ARMC9: variants seen among roughly 807,000 people sequenced by gnomAD.
ARMC9 encodes the protein lisH domain-containing protein ARMC9.
In ARMC9, 94 loss-of-function variants were observed where a neutral mutation model predicts 107.0. The ratio of observed to expected loss-of-function variants is 0.88; its 90% CI spans 0.74 to 1.04. The LOEUF (loss-of-function observed/expected upper bound fraction) is 1.04. Among genes scored for constraint, ARMC9 ranks in the 50% least tolerant of loss-of-function variants. The pLI, the probability that ARMC9 is intolerant of heterozygous loss-of-function variation, is 0.00. For missense variants in ARMC9, 942 were observed against 1,030.1 expected (o/e 0.91, Z 1.17); for synonymous variants, 380 against 396.9 (o/e 0.96, Z 0.51).
chr2:231,275,085 C>CT (rs549850005), intron 14 of ARMC9, among the ~76,000 whole-genome samples: 180 of 152,292 alleles, frequency 1.2e-3, no homozygotes, highest in African/African-American at 4.1e-3. Flanking sequence ...ATCTTTTCCT[C>CT]TAAGTGTTAA....
At chr2:231,305,137 T>C (rs557871082) in intron 19 of ARMC9, among the ~76,000 whole-genome samples, 1 of 152,372 alleles carries the variant, frequency 6.6e-6, no homozygotes, top group South Asian at 2.1e-4. Flanking sequence ...AATTAATTCC[T>C]ACCAGTTCAT....
Position 231,222,799 on chromosome 2 carries a change from G to T in ARMC9, c.576G>T (p.Thr192=). The T allele has an allele frequency of 6.3e-7, 1 of 1,589,514 alleles. No individual in the cohort carries two copies. Among genetic ancestry groups the T allele is most frequent in the Non-Finnish European group, 8.6e-7 (1 of 1,159,564 alleles). ...CTTTAATATCTAAAGCCAGCAACAC[G>T]CCAAAGCTTTTAACAATATATGTAT... The part of the protein sequence containing the change: ...FLALISKASN[T]PKLLTIYKEN... The change falls in exon 6 of 25, where the codon ACG becomes ACT. Residue 192 remains threonine, a synonymous_variant. Coordinates refer to ENST00000611582, the MANE Select transcript of ARMC9 (RefSeq NM_001352754.2).
intron 9 of ARMC9, among the ~76,000 whole-genome samples, chr2:231,244,743 C>T (rs1235157602): frequency 6.6e-6 from 1 of 152,214 alleles, no homozygotes; most frequent in African/African-American, 2.4e-5. Context: ...CATTCTTGCA[C>T]AGCCCTGGAC....
At position 231,222,740 on chromosome 2, in the gene ARMC9, C is replaced by T; in HGVS notation, c.517C>T (p.Pro173Ser). ...FKELFQDSWTPELKLKLIKFL... is the reference protein window; with the variant it reads ...FKELFQDSWTSELKLKLIKFL... Reference sequence around the variant, plus strand: ...CTTTTTTCTTTAGGATTCCTGGACTCCAGAGTTAAAGTTGAAGTTGATAAA... The same window carrying T: ...CTTTTTTCTTTAGGATTCCTGGACTTCAGAGTTAAAGTTGAAGTTGATAAA... Residue 173 changes from proline (P) to serine (S), a missense_variant, in exon 6 of 25, where the codon CCA becomes TCA. Physicochemically the swap from Pro to Ser is moderately conservative, Grantham distance 74. Transcript: ENST00000611582. 6.4e-7 allele frequency: 1 copy of T among 1,560,122 alleles called. No individual in the cohort carries two copies. The highest frequency in any genetic ancestry group is 8.8e-7 in the Non-Finnish European group (1 of 1,135,410).
intron 3 of ARMC9, 138 bp downstream of exon 3, chr2:231,208,390 G>A (rs2032338840): frequency 4.5e-6 from 3 of 667,006 alleles, no homozygotes; most frequent in East Asian, 2.9e-5. Context: ...AGTGTTTATA[G>A]ATGAACTAAT....
chr2:231,346,602 CTATG>C (rs1188529566), intron 21 of ARMC9, among the ~76,000 whole-genome samples: 1 of 152,212 alleles, frequency 6.6e-6, no homozygotes, highest in South Asian at 2.1e-4. Context: ...TGCTCTCCTT[CTATG>C]TGTATGATAC....
At chr2:231,359,372 C>T (rs1171968514) in intron 22 of ARMC9, among the ~76,000 whole-genome samples, 1 of 152,058 alleles carries the variant, frequency 6.6e-6, no homozygotes, top group African/African-American at 2.4e-5. Context: ...CAGGCGTGAG[C>T]CACCGTGCTC....
chr2:231,281,929 C>T (rs2040244170), intron 16 of ARMC9, 130 bp from the exon 17 acceptor site: 3 of 805,646 alleles, frequency 3.7e-6, no homozygotes, highest in Admixed American at 2.0e-5. Context: ...TCCTGGAGCA[C>T]AGGAGAGCTG....
In ARMC9 at chr2:231,362,665, AGTT is replaced by A. The variant is rs1219829785; in HGVS notation, c.2261+1786_2261+1788del. 3 of 152,970 alleles carry A rather than the reference AGTT, an allele frequency of 2.0e-5. No homozygotes were observed. The highest frequency in any genetic ancestry group is 4.1e-4 in the South Asian group (2 of 4,830). 9.5% of individuals were successfully genotyped at this position (152,970 alleles called of 1,614,324 possible). The stretch of plus-strand genomic sequence containing the variant: ...GAGGATGGAAGGAGGGAGAAGTACA[AGTT>A]GTTCCATCTTCCTCTTCCTCCCTCA... On this transcript the variant is annotated intron_variant, in intron 23 of 24. Coordinates refer to ENST00000611582, the MANE Select transcript of ARMC9 (RefSeq NM_001352754.2). The surrounding 1 kb of genome is among the most constrained non-coding windows in gnomAD (Gnocchi z 4.7).
chr2:231,341,657 GA>G (rs2044518178), intron 20 of ARMC9, among the ~76,000 whole-genome samples: 1 of 127,654 alleles, frequency 7.8e-6, no homozygotes, highest in African/African-American at 5.3e-5. Flanking sequence ...TAGATAGATA[GA>G]TAGATAGATA....
At chr2:231,273,802 T>G (rs997565443) in intron 14 of ARMC9, among the ~76,000 whole-genome samples, 1 of 152,140 alleles carries the variant, frequency 6.6e-6, no homozygotes, top group Non-Finnish European at 1.5e-5. Context: ...ATTGAAGGAT[T>G]TTTAGTGTAT....
At chr2:231,325,755 G>A (rs16827933) in intron 19 of ARMC9, among the ~76,000 whole-genome samples, 8,019 of 152,228 alleles carry the variant, frequency 0.053, 447 homozygotes, top group African/African-American at 0.14. Flanking sequence ...TCAATCTTCC[G>A]TAACCGTCCC....
rs2036171803 is a variant in ARMC9 at position 231,240,239 on chromosome 2, G to A, written c.879+198G>A. ...GCTGAAAGCTGGCCTCCTAGGGAGG[G>A]TGAGGAGAGAGGCGTGTTCTGCCTA... On this transcript the variant is annotated intron_variant, in intron 9 of 24. Transcript: ENST00000611582. 8 of 596,714 alleles carry A rather than the reference G, an allele frequency of 1.3e-5. No individual in the cohort carries two copies. The East Asian group carries it at 1.4e-4, about 11-fold the overall frequency. The allele number at this position is 596,714 out of a possible 1,614,324, so 37.0% of individuals were successfully genotyped here. A position where few individuals can be genotyped will look rare whatever the true frequency, so the allele number is the denominator to read the frequency against.
rs1306321336 is a variant in ARMC9 at position 231,240,050 on chromosome 2, C to G, written c.879+9C>G. The G allele has an allele frequency of 2.5e-6, 4 of 1,609,658 alleles. No individual in the cohort carries two copies. The African/African-American group carries it at 5.3e-5, about 21-fold the overall frequency. On this transcript the variant is annotated intron_variant, in intron 9 of 24. Coordinates refer to ENST00000611582, the MANE Select transcript of ARMC9 (RefSeq NM_001352754.2). ...TCACGAGGCCTGGGACGGTGAGGCT[C>G]TGCGCTCAGGGCAGGGTGCCCGTGG... is the stretch of plus-strand genomic sequence containing the variant.
chr2:231,228,487 G>T (rs1043360312), intron 7 of ARMC9, among the ~76,000 whole-genome samples: 3 of 152,328 alleles, frequency 2.0e-5, no homozygotes, highest in Admixed American at 6.5e-5. Flanking sequence ...TGTGGTCTGG[G>T]CTTCCTCCAG....
intron 17 of ARMC9, among the ~76,000 whole-genome samples, chr2:231,289,018 A>T (rs2040806751): frequency 6.6e-6 from 1 of 152,134 alleles, no homozygotes; most frequent in South Asian, 2.1e-4. Flanking sequence ...ATTCACTAGG[A>T]CCTTTTATTA....
intron 9 of ARMC9, among the ~76,000 whole-genome samples, chr2:231,247,030 A>G (rs1574779763): frequency 6.6e-6 from 1 of 150,720 alleles, no homozygotes; most frequent in Non-Finnish European, 1.5e-5. Context: ...GTCTTGGCTC[A>G]CTGCCAGCTC....
chr2:231,372,226 G>C lies in ARMC9; in HGVS notation c.*691G>C, dbSNP rs961705656. The C allele has an allele frequency of 6.6e-6, 1 of 152,260 alleles. No individual in the cohort carries two copies. Among genetic ancestry groups the C allele is most frequent in the Non-Finnish European group, 1.5e-5 (1 of 68,142 alleles). The allele number at this position is 152,260 out of a possible 1,614,324, so 9.4% of individuals were successfully genotyped here. Reference sequence around the variant, plus strand: ...CTAAAAAAATACAAAAAAATTAGCCGGGCGTGGTGGCGGGCGCTTGTAGTC... The same window carrying C: ...CTAAAAAAATACAAAAAAATTAGCCCGGCGTGGTGGCGGGCGCTTGTAGTC... On this transcript the variant is annotated 3_prime_UTR_variant, in exon 25 of 25. Transcript: ENST00000611582.
intron 19 of ARMC9, among the ~76,000 whole-genome samples, chr2:231,328,974 C>G (rs375516985): frequency 9.9e-5 from 15 of 151,570 alleles, no homozygotes; most frequent in Admixed American, 9.9e-4. Context: ...ACCACCACGG[C>G]GGGCTACTTT....
Sources: allele counts gnomAD v4.1 joint callset (sites outside exome capture counted in the v4.1 genomes callset), GRCh38; gene constraint gnomAD v4.1.1; non-coding constraint Gnocchi (gnomAD v3.1); transcripts MANE v1.5; gene names NCBI Gene and HGNC (gene_info 2026-07-23, HGNC 2026-07-21).